Variants in KCNH1 observed in about 807,000 individuals in gnomAD.
The protein encoded by KCNH1 is potassium voltage-gated channel subfamily H member 1, also known as voltage-gated delayed rectifier potassium channel KCNH1.
KCNH1 carries 27 observed loss-of-function variants against 69.2 expected under a neutral mutation model. The observed-to-expected ratio is 0.39, with a 90% CI of 0.29 to 0.54. The LOEUF (loss-of-function observed/expected upper bound fraction) is 0.54. Ranked by LOEUF, KCNH1 falls within the 20% of genes least tolerant of loss-of-function variation. The pLI is 0.68. For synonymous variants in KCNH1, 456 were observed against 487.7 expected (o/e 0.93, Z 0.86); for missense variants, 798 against 1,261.6 (o/e 0.63, Z 5.57).
At chr1:210,984,823 CT>C (rs1470166905) in intron 6 of KCNH1, among the ~76,000 whole-genome samples, 1 of 152,128 alleles carries the variant, frequency 6.6e-6, no homozygotes, top group Admixed American at 6.5e-5. Context: ...AGGATTCCCT[CT>C]TTTTCTATTG....
chr1:210,982,065 G>A (rs1196358110), intron 6 of KCNH1, among the ~76,000 whole-genome samples: 3 of 151,996 alleles, frequency 2.0e-5, no homozygotes, highest in Non-Finnish European at 4.4e-5. Context: ...TGGTCTGGGG[G>A]TCATGAAATC....
Position 211,107,391 on chromosome 1 carries a change from A to G in KCNH1, c.80-14T>C, listed in dbSNP as rs1691371109. 1 of 1,598,608 alleles carries G rather than the reference A, an allele frequency of 6.3e-7. No homozygotes were observed. The highest frequency in any genetic ancestry group is 8.5e-7 in the Non-Finnish European group (1 of 1,174,342). ...CAAAATTAGTATCTGTTAAAAAAAA[A>G]AAAAAGGGAAAAAAGGGCACATGAG... On this transcript the variant is annotated splice_polypyrimidine_tract_variant and intron_variant, in intron 1 of 10. Coordinates refer to ENST00000271751, the MANE Select transcript of KCNH1 (RefSeq NM_172362.3).
intron 10 of KCNH1, among the ~76,000 whole-genome samples, chr1:210,742,826 C>T (rs540369859): frequency 6.6e-6 from 1 of 152,038 alleles, no homozygotes; most frequent in African/African-American, 2.4e-5. Context: ...CGAGGAGGCT[C>T]AGTTCATGGT....
At chr1:210,738,041 G>C (rs116289616) in intron 10 of KCNH1, among the ~76,000 whole-genome samples, 2 of 152,084 alleles carry the variant, frequency 1.3e-5, no homozygotes. Context: ...ATCAGTTCTA[G>C]GCCCACAAGA....
chr1:211,067,531 C>T lies in KCNH1; in HGVS notation c.558+15249G>A, dbSNP rs553482705. On this transcript the variant is annotated intron_variant, in intron 5 of 10. Coordinates refer to ENST00000271751, the MANE Select transcript of KCNH1 (RefSeq NM_172362.3). ...CTGATACTACCCCTGCCCAGTGCTG[C>T]TTCCTACCTGTTTTCACAGGTGTTA... Among the ~76,000 whole-genome samples, 16 of 152,332 alleles carry T rather than the reference C, an allele frequency of 1.1e-4. No individual in the cohort carries two copies. The South Asian group carries it at 3.1e-3, about 30-fold the overall frequency.
intron 1 of KCNH1, among the ~76,000 whole-genome samples, chr1:211,118,207 C>G (rs1691618392): frequency 6.6e-6 from 1 of 152,136 alleles, no homozygotes; most frequent in Non-Finnish European, 1.5e-5. Context: ...AACAAATATG[C>G]TATTGATGCA....
At chr1:210,745,464 T>C (rs1558451743) in intron 10 of KCNH1, among the ~76,000 whole-genome samples, 1 of 152,182 alleles carries the variant, frequency 6.6e-6, no homozygotes, top group South Asian at 2.1e-4. Flanking sequence ...CTTCTGAAAG[T>C]AGCCAAAAAG....
At chr1:210,901,434 G>C (rs1053489819) in intron 7 of KCNH1, among the ~76,000 whole-genome samples, 1 of 152,188 alleles carries the variant, frequency 6.6e-6, no homozygotes, top group African/African-American at 2.4e-5. Flanking sequence ...ATGGCAGTGG[G>C]TGGTCAGGTT....
At chr1:210,694,894 C>T (rs566455872) in intron 10 of KCNH1, among the ~76,000 whole-genome samples, 20 of 152,328 alleles carry the variant, frequency 1.3e-4, no homozygotes, top group African/African-American at 4.3e-4. Flanking sequence ...AAAGCTAAGA[C>T]GCTTCCTCTT....
chr1:210,761,120 C>T (rs983456391), intron 10 of KCNH1, among the ~76,000 whole-genome samples: 6 of 149,600 alleles, frequency 4.0e-5, no homozygotes, highest in Admixed American at 6.6e-5. Flanking sequence ...GGCGTAGTGG[C>T]GGGCGCCTGT....
At chr1:211,040,901 T>A (rs1431844437) in intron 5 of KCNH1, among the ~76,000 whole-genome samples, 2 of 152,134 alleles carry the variant, frequency 1.3e-5, no homozygotes, top group Non-Finnish European at 2.9e-5. Context: ...CCTTCTTCTG[T>A]GAAAGGCCAG....
At chr1:211,011,779 C>G (rs563118879) in intron 6 of KCNH1, among the ~76,000 whole-genome samples, 110 of 152,328 alleles carry the variant, frequency 7.2e-4, no homozygotes, top group African/African-American at 2.5e-3. Flanking sequence ...GTGCAAGGCA[C>G]AGCATCTACA....
intron 7 of KCNH1, among the ~76,000 whole-genome samples, chr1:210,912,510 C>A (rs569277912): frequency 6.6e-6 from 1 of 152,150 alleles, no homozygotes; most frequent in African/African-American, 2.4e-5. Flanking sequence ...AAGTTCAATT[C>A]TCTTAAAGTA....
intron 10 of KCNH1, among the ~76,000 whole-genome samples, chr1:210,693,420 G>T (rs115696892): frequency 6.6e-6 from 1 of 152,142 alleles, no homozygotes; most frequent in Non-Finnish European, 1.5e-5. Context: ...TAATCAGGCC[G>T]GTAGGAATCA....
chr1:210,859,200 C>A, intron 7 of KCNH1: 2 of 1,609,658 alleles, frequency 1.2e-6, no homozygotes, highest in South Asian at 2.2e-5. Flanking sequence ...ACTGGGCCTC[C>A]AAAATTGAAA....
chr1:210,774,505 T>C (rs115839832), intron 10 of KCNH1, among the ~76,000 whole-genome samples: 3,065 of 152,096 alleles, frequency 0.02, 59 homozygotes, highest in Admixed American at 0.024. Flanking sequence ...AATCAGACAA[T>C]GTAAATAGGA....
intron 5 of KCNH1, among the ~76,000 whole-genome samples, chr1:211,074,683 T>C (rs1248765276): frequency 6.6e-6 from 1 of 152,236 alleles, no homozygotes; most frequent in African/African-American, 2.4e-5. Flanking sequence ...AAAAGTATTA[T>C]GTAGATGTGA....
intron 5 of KCNH1, among the ~76,000 whole-genome samples, chr1:211,035,987 G>A (rs777176911): frequency 2.6e-5 from 4 of 152,172 alleles, no homozygotes; most frequent in Admixed American, 6.5e-5. Context: ...TGCACCAGGC[G>A]CTTGGTCTAG....
At position 210,729,067 on chromosome 1, in the gene KCNH1, T is replaced by C. The variant is rs189603760; in HGVS notation, c.2113-44929A>G. 2.6e-5 allele frequency among the ~76,000 whole-genome samples: 4 copies of C among 152,208 alleles called. No homozygotes were observed. In the East Asian group the frequency reaches 7.7e-4, roughly 29 times the overall value. On this transcript the variant is annotated intron_variant, in intron 10 of 10. Coordinates refer to ENST00000271751, the MANE Select transcript of KCNH1 (RefSeq NM_172362.3). ...AATGTGGCTGAGGTTAGATTATACA[T>C]GAAACTGTGAAGCTGGGCTTCTATT...
Sources: gnomAD v4.1 joint callset for allele counts (sites outside exome capture counted in the v4.1 genomes callset) on GRCh38, gnomAD v4.1.1 for gene constraint, MANE v1.5 for transcripts, NCBI Gene and HGNC (gene_info 2026-07-23, HGNC 2026-07-21) for gene names.